Variants in ATRNL1 observed in about 807,000 individuals in gnomAD.
ATRNL1 encodes attractin like 1.
A neutral mutation model predicts 182.7 loss-of-function variants in ATRNL1; 95 were observed. The observed-to-expected ratio is 0.52, with a 90% CI of 0.44 to 0.62. The LOEUF is 0.62. Among genes scored for constraint, ATRNL1 ranks in the 20% least tolerant of loss-of-function variants. ATRNL1 has a pLI of 0.00. For synonymous variants in ATRNL1, 576 were observed against 568.3 expected (o/e 1.01, Z -0.19); for missense variants, 1,471 against 1,679.5 (o/e 0.88, Z 2.17).
intron 26 of ATRNL1, among the ~76,000 whole-genome samples, chr10:115,556,796 C>T (rs1554997140): frequency 2.0e-5 from 3 of 150,786 alleles, no homozygotes. Context: ...TGGACTCCTC[C>T]TCCATTTCTA....
At chr10:115,446,111 C>G (rs1375767661) in intron 21 of ATRNL1, among the ~76,000 whole-genome samples, 1 of 151,860 alleles carries the variant, frequency 6.6e-6, no homozygotes, top group East Asian at 1.9e-4. Context: ...TTTTCTTCAT[C>G]AACAGATTTT....
intron 27 of ATRNL1, among the ~76,000 whole-genome samples, chr10:115,837,341 G>A (rs1419758835): frequency 6.6e-6 from 1 of 151,774 alleles, no homozygotes; most frequent in African/African-American, 2.4e-5. Context: ...CCTGCAAAAA[G>A]CATCCTCCGT....
intron 10 of ATRNL1, among the ~76,000 whole-genome samples, chr10:115,255,415 C>T (rs1422581557): frequency 6.6e-6 from 1 of 152,120 alleles, no homozygotes; most frequent in Non-Finnish European, 1.5e-5. Context: ...AATGGGAGTT[C>T]ACTCATGATT....
intron 26 of ATRNL1, among the ~76,000 whole-genome samples, chr10:115,594,717 C>T (rs1856124734): frequency 6.6e-6 from 1 of 152,118 alleles, no homozygotes; most frequent in Non-Finnish European, 1.5e-5. Context: ...GTTGGCCAGG[C>T]TGGTCTTAAA....
At position 115,447,463 on chromosome 10, in the gene ATRNL1, CTTTAA is replaced by C. The variant is rs537702255; in HGVS notation, c.3323-14474_3323-14470del. On this transcript the variant is annotated intron_variant, in intron 21 of 28. Transcript: ENST00000355044. ...ATATATGTCAAACAGTTATAAGTACCTTTAATTTGTTAGCTCACTTAATCATCCAT... is the reference window on the plus strand; with the variant it reads ...ATATATGTCAAACAGTTATAAGTACCTTTGTTAGCTCACTTAATCATCCAT... 2.7e-3 allele frequency among the ~76,000 whole-genome samples: 406 copies of C among 151,610 alleles called. 3 individuals carry two copies. Among genetic ancestry groups the C allele is most frequent in the African/African-American group, 9.3e-3 (387 of 41,472 alleles).
chr10:115,114,611 T>C (rs1844398410), intron 1 of ATRNL1, among the ~76,000 whole-genome samples: 1 of 152,108 alleles, frequency 6.6e-6, no homozygotes, highest in African/African-American at 2.4e-5. Context: ...AAAGAAAACA[T>C]ACAAAAGGTC....
chr10:115,326,746 A>G (rs1329687292), intron 18 of ATRNL1, among the ~76,000 whole-genome samples: 1 of 152,114 alleles, frequency 6.6e-6, no homozygotes, highest in East Asian at 1.9e-4. Context: ...ATATAGATCA[A>G]TGGAACAGAA....
chr10:115,504,398 C>T (rs555663764), intron 24 of ATRNL1, among the ~76,000 whole-genome samples: 8 of 152,046 alleles, frequency 5.3e-5, no homozygotes, highest in South Asian at 2.1e-4. Context: ...CAAAACAAAC[C>T]GTATTGCCTG....
rs371818786 is a variant in ATRNL1 at position 115,525,055 on chromosome 10, C to G, written c.3716+5731C>G. On this transcript the variant is annotated intron_variant, in intron 25 of 28. Transcript: ENST00000355044. ...TCAAAATGTTTCAGGGACCTTCCTT[C>G]TATGGACTCAGTCACCTGATTAGTT... Among the ~76,000 whole-genome samples the G allele has an allele frequency of 3.9e-5, 6 of 152,260 alleles. 1 individual carries two copies. Among genetic ancestry groups the G allele is most frequent in the African/African-American group, 1.2e-4 (5 of 41,546 alleles).
At chr10:115,937,316 A>T (rs1953589618) in intron 28 of ATRNL1, among the ~76,000 whole-genome samples, 3 of 152,246 alleles carry the variant, frequency 2.0e-5, no homozygotes, top group Admixed American at 2.0e-4. Context: ...GCACTGAAAC[A>T]TTGGCATCTG....
At chr10:115,778,995 A>T (rs781961592) in intron 27 of ATRNL1, among the ~76,000 whole-genome samples, 4 of 152,208 alleles carry the variant, frequency 2.6e-5, no homozygotes, top group Non-Finnish European at 5.9e-5. Flanking sequence ...TTGCCAATAC[A>T]TGATAATAAT....
At chr10:115,836,610 A>G (rs1395626508) in intron 27 of ATRNL1, among the ~76,000 whole-genome samples, 1 of 152,144 alleles carries the variant, frequency 6.6e-6, no homozygotes, top group Non-Finnish European at 1.5e-5. Flanking sequence ...CTGTCTTCAC[A>G]TGGTGAACTC....
chr10:115,588,314 G>T (rs1428452387), intron 26 of ATRNL1, among the ~76,000 whole-genome samples: 1 of 152,098 alleles, frequency 6.6e-6, no homozygotes, highest in African/African-American at 2.4e-5. Context: ...GCTTCTGATG[G>T]TCTCAACCTG....
intron 5 of ATRNL1, among the ~76,000 whole-genome samples, chr10:115,159,557 G>GT (rs1260912197): frequency 6.6e-6 from 1 of 151,108 alleles, no homozygotes; most frequent in Middle Eastern, 3.4e-3. Context: ...TTGTTTAATA[G>GT]TTAATAATTT....
chr10:115,868,822 C>T (rs1160865384), intron 28 of ATRNL1, among the ~76,000 whole-genome samples: 267 of 58,088 alleles, frequency 4.6e-3, no homozygotes, highest in South Asian at 6.4e-3. Flanking sequence ...AGTCTTTATT[C>T]TTTTTTTTTT....
intron 1 of ATRNL1, among the ~76,000 whole-genome samples, chr10:115,105,543 C>CG (rs1283126617): frequency 6.6e-6 from 1 of 152,194 alleles, no homozygotes; most frequent in Admixed American, 6.5e-5. Context: ...CAGAGATCTT[C>CG]GGGGCAGCCC....
At chr10:115,851,083 T>C (rs930642174) in intron 28 of ATRNL1, among the ~76,000 whole-genome samples, 108 of 151,958 alleles carry the variant, frequency 7.1e-4, no homozygotes, top group African/African-American at 2.5e-3. Flanking sequence ...TCTCAAATTT[T>C]TTTGTCAGGC....
At chr10:115,823,953 A>C (rs1257508998) in intron 27 of ATRNL1, among the ~76,000 whole-genome samples, 1 of 152,220 alleles carries the variant, frequency 6.6e-6, no homozygotes, top group Non-Finnish European at 1.5e-5. Flanking sequence ...GAACCAAAAA[A>C]GATCCCATAT....
chr10:115,377,300 C>T (rs1554949812), intron 19 of ATRNL1, among the ~76,000 whole-genome samples: 1 of 152,056 alleles, frequency 6.6e-6, no homozygotes, highest in African/African-American at 2.4e-5. Context: ...CTGATGGTAC[C>T]CCATTCACTT....
Sources: gnomAD v4.1 joint callset for allele counts (sites outside exome capture counted in the v4.1 genomes callset) on GRCh38, gnomAD v4.1.1 for gene constraint, MANE v1.5 for transcripts, NCBI Gene and HGNC (gene_info 2026-07-23, HGNC 2026-07-21) for gene names.